Variants in LRP1B observed in about 807,000 individuals in gnomAD.
The protein encoded by LRP1B is LDL receptor related protein 1B.
In LRP1B, 217 loss-of-function variants were observed where a neutral mutation model predicts 556.6. The observed-to-expected ratio is 0.39, with a 90% CI of 0.35 to 0.44. The LOEUF is 0.44. Among genes scored for constraint, LRP1B ranks in the 20% least tolerant of loss-of-function variants. LRP1B has a pLI of 1.00. For missense variants in LRP1B, 5,053 were observed against 5,620.8 expected, an observed-to-expected ratio of 0.90 and a Z score of 3.23; for synonymous variants, 2,047 against 1,865.8, an observed-to-expected ratio of 1.10 and a Z score of -2.50.
rs1686153665 is a variant in LRP1B, at chr2:140,689,189, T to C, written c.6799+11061A>G. The stretch of plus-strand genomic sequence containing the variant: ...GTAGACGAACTGCAACCTAACTTCA[T>C]AGGTAGAGAAGATTGAAAACCTAAT... On this transcript the variant is annotated intron_variant, in intron 41 of 90. Transcript: ENST00000389484. Among the ~76,000 whole-genome samples, 3 of 152,198 alleles carry C rather than the reference T, an allele frequency of 2.0e-5. 1 individual carries two copies. The highest frequency in any genetic ancestry group is 4.1e-4 in the South Asian group (2 of 4,832).
rs140528792 is a variant in LRP1B, at chr2:140,395,790, G to A, written c.10415-9781C>T. 2.3e-4 allele frequency among the ~76,000 whole-genome samples: 35 copies of A among 152,268 alleles called. 3 individuals carry two copies. The highest frequency in any genetic ancestry group is 6.7e-4 in the African/African-American group (28 of 41,566). ...GCATGTCAATGCAATGTAATATTCA[G>A]TGGACATTTTTTGAATTCACATTAT... On this transcript the variant is annotated intron_variant, in intron 66 of 90. Transcript: ENST00000389484.
At chr2:140,916,057 G>A (rs1415648635) in intron 21 of LRP1B, among the ~76,000 whole-genome samples, 1 of 151,898 alleles carries the variant, frequency 6.6e-6, no homozygotes, top group Non-Finnish European at 1.5e-5. Context: ...AAAAGTCACT[G>A]GGAGGAATCA....
chr2:142,124,549 A>AAGTTTTT (rs1553519820), intron 1 of LRP1B, among the ~76,000 whole-genome samples: 1 of 151,846 alleles, frequency 6.6e-6, no homozygotes, highest in Non-Finnish European at 1.5e-5. Context: ...TTAATGTTTC[A>AAGTTTTT]CAAAATGGAG....
intron 41 of LRP1B, among the ~76,000 whole-genome samples, chr2:140,639,522 G>A (rs115602316): frequency 0.017 from 2,655 of 152,190 alleles, 43 homozygotes; most frequent in Admixed American, 0.047. Flanking sequence ...CATTCGAATA[G>A]GTCAATTAAA....
At chr2:140,752,541 T>C (rs1175821779) in intron 35 of LRP1B, among the ~76,000 whole-genome samples, 1 of 152,036 alleles carries the variant, frequency 6.6e-6, no homozygotes, top group Non-Finnish European at 1.5e-5. Context: ...GCCAGGCTGG[T>C]CTCAAATTCC....
chr2:141,568,512 T>A (rs1264833202), intron 2 of LRP1B, among the ~76,000 whole-genome samples: 1 of 151,040 alleles, frequency 6.6e-6, no homozygotes, highest in Non-Finnish European at 1.5e-5. Flanking sequence ...AGTATATCCA[T>A]CAGAATTCGG....
chr2:140,313,417 C>G (rs1464345576), intron 83 of LRP1B, among the ~76,000 whole-genome samples: 1 of 151,826 alleles, frequency 6.6e-6, no homozygotes, highest in Non-Finnish European at 1.5e-5. Context: ...TATCTATATA[C>G]AACTCAGGAT....
intron 3 of LRP1B, among the ~76,000 whole-genome samples, chr2:141,472,761 A>T (rs986449930): frequency 6.6e-6 from 1 of 151,954 alleles, no homozygotes; most frequent in African/African-American, 2.4e-5. Context: ...CTTTTAACTT[A>T]AAGCCTTCTG....
intron 3 of LRP1B, among the ~76,000 whole-genome samples, chr2:141,478,649 T>C (rs28587769): frequency 0.96 from 145,632 of 151,974 alleles, 70,097 homozygotes; most frequent in East Asian, 1. Context: ...GTTCAAGAAA[T>C]TCTCCTGCCT....
intron 31 of LRP1B, among the ~76,000 whole-genome samples, chr2:140,833,920 C>A (rs971932998): frequency 6.6e-6 from 1 of 152,162 alleles, no homozygotes; most frequent in African/African-American, 2.4e-5. Context: ...TCTACACTAA[C>A]ATGACTTTAC....
chr2:141,203,364 A>G (rs1445388932), intron 6 of LRP1B, among the ~76,000 whole-genome samples: 3 of 152,072 alleles, frequency 2.0e-5, no homozygotes, highest in Non-Finnish European at 4.4e-5. Context: ...GTGAATGGAA[A>G]GGAAAAAAAA....
At chr2:140,600,555 T>C (rs1403788890) in intron 42 of LRP1B, among the ~76,000 whole-genome samples, 2 of 152,104 alleles carry the variant, frequency 1.3e-5, no homozygotes, top group Admixed American at 1.3e-4. Context: ...CTTCAATCTT[T>C]TTTTTGTTTT....
At chr2:141,793,060 TGTTACAGCAA>T (rs1447322639) in intron 2 of LRP1B, among the ~76,000 whole-genome samples, 2 of 151,968 alleles carry the variant, frequency 1.3e-5, no homozygotes, top group Non-Finnish European at 2.9e-5. Flanking sequence ...CTCCTCTGCT[TGTTACAGCAA>T]GTTATTCTTT....
rs141177451 is a variant in LRP1B, at chr2:140,937,185, T to C, written c.3136+13050A>G. Among the ~76,000 whole-genome samples the C allele has an allele frequency of 5.6e-3, 845 of 152,138 alleles. 10 individuals are homozygous for C. Among genetic ancestry groups the C allele is most frequent in the African/African-American group, 0.019 (793 of 41,550 alleles). ...CATAAAAGGGCAGTAATGCAGGAAT[T>C]GAGGAACAAAAAGTACTAAAGGGCA... On this transcript the variant is annotated intron_variant, in intron 20 of 90. Transcript: ENST00000389484.
intron 1 of LRP1B, among the ~76,000 whole-genome samples, chr2:141,931,977 A>T (rs1700521192): frequency 6.6e-6 from 1 of 152,034 alleles, no homozygotes; most frequent in African/African-American, 2.4e-5. Context: ...TAGGTGTTTG[A>T]AAAGCAAAGT....
intron 1 of LRP1B, among the ~76,000 whole-genome samples, chr2:142,098,565 T>C (rs186327624): frequency 1.1e-4 from 16 of 151,880 alleles, no homozygotes; most frequent in Non-Finnish European, 2.2e-4. Context: ...ATTTTAGGAC[T>C]TCATTGCAAA....
At chr2:140,372,728 G>A (rs1012463967) in intron 69 of LRP1B, among the ~76,000 whole-genome samples, 2 of 151,976 alleles carry the variant, frequency 1.3e-5, no homozygotes, top group African/African-American at 2.4e-5. Flanking sequence ...CTATCTTGGG[G>A]AAACAGTTCC....
chr2:141,635,231 T>C (rs1689072109), intron 2 of LRP1B, among the ~76,000 whole-genome samples: 2 of 152,138 alleles, frequency 1.3e-5, no homozygotes, highest in African/African-American at 4.8e-5. Flanking sequence ...TAATACTGAT[T>C]AAAAATTAAC....
Position 141,785,751 on chromosome 2 carries a change from C to A in LRP1B, c.205+24528G>T, listed in dbSNP as rs1034445879. Among the ~76,000 whole-genome samples the A allele has an allele frequency of 4.3e-4, 65 of 151,064 alleles. 1 individual carries two copies. Among genetic ancestry groups the A allele is most frequent in the Non-Finnish European group, 1.2e-4 (8 of 67,746 alleles). The stretch of plus-strand genomic sequence containing the variant: ...TTCTATTCTTGGAACTGATAGAGTC[C>A]AAGGTCCATATATGATAATCAACAT... On this transcript the variant is annotated intron_variant, in intron 2 of 90. Transcript: ENST00000389484.
Sources: gnomAD v4.1 joint callset for allele counts (sites outside exome capture counted in the v4.1 genomes callset) on GRCh38, gnomAD v4.1.1 for gene constraint, MANE v1.5 for transcripts, NCBI Gene and HGNC (gene_info 2026-07-23, HGNC 2026-07-21) for gene names.